The following ANKS1B variants were observed in gnomAD, a reference collection of about 807,000 sequenced individuals.
ANKS1B encodes the protein ankyrin repeat and sterile alpha motif domain-containing protein 1B.
Under a neutral mutation model 148.3 loss-of-function variants are expected in ANKS1B, and 36 were observed. That is an observed-to-expected ratio of 0.24 (90% CI 0.19 to 0.32). ANKS1B has a LOEUF of 0.32. ANKS1B is among the 10% of genes least tolerant of loss of function. ANKS1B has a pLI of 1.00. For missense variants in ANKS1B, 1,157 were observed against 1,542.6 expected (o/e 0.75, Z 4.19); for synonymous variants, 542 against 560.8 (o/e 0.97, Z 0.47).
At chr12:99,923,732 G>T (rs1566007471) in intron 1 of ANKS1B, among the ~76,000 whole-genome samples, 2 of 152,054 alleles carry the variant, frequency 1.3e-5, no homozygotes, top group Non-Finnish European at 2.9e-5. Context: ...CTTCTCCTTT[G>T]AACCTATTTT....
intron 17 of ANKS1B, among the ~76,000 whole-genome samples, chr12:98,849,231 C>CTT (rs1555405913): frequency 6.9e-6 from 1 of 144,888 alleles, no homozygotes; most frequent in African/African-American, 2.5e-5. Context: ...CCCAGCATTT[C>CTT]TTTTTTTTTT....
chr12:99,983,955 T>A, intron 1 of ANKS1B, 149 bp downstream of exon 1: 1 of 656,394 alleles, frequency 1.5e-6, no homozygotes, highest in South Asian at 2.5e-5. Context: ...GGCTCATACC[T>A]CCTCTCCATA....
chr12:99,698,397 G>A lies in ANKS1B; in HGVS notation c.1129-43187C>T, dbSNP rs375954937. ...CAGCAATTTAAGTGTGTGTGTGTCC[G>A]TGTGTGCATGTGTGTTGCACAAGCA... is the stretch of plus-strand genomic sequence containing the variant. On this transcript the variant is annotated intron_variant, in intron 8 of 26. Transcript: ENST00000683438. 1.4e-4 allele frequency among the ~76,000 whole-genome samples: 21 copies of A among 152,150 alleles called. 1 individual carries two copies. The South Asian group carries it at 1.9e-3, about 14-fold the overall frequency.
chr12:99,128,406 A>G (rs2065054391), intron 15 of ANKS1B, among the ~76,000 whole-genome samples: 1 of 152,146 alleles, frequency 6.6e-6, no homozygotes, highest in Non-Finnish European at 1.5e-5. Flanking sequence ...ACGGACCATG[A>G]ATGAGTTGCC....
At chr12:99,752,644 A>G (rs2061217420) in intron 8 of ANKS1B, among the ~76,000 whole-genome samples, 1 of 151,926 alleles carries the variant, frequency 6.6e-6, no homozygotes, top group Non-Finnish European at 1.5e-5. Flanking sequence ...TAGGATATTG[A>G]TACTATTTAT....
chr12:98,938,312 TAATC>T (rs1020206253), intron 17 of ANKS1B, among the ~76,000 whole-genome samples: 9 of 152,348 alleles, frequency 5.9e-5, no homozygotes, highest in Admixed American at 5.2e-4. Context: ...TTAAAAATCT[TAATC>T]AAGTGACGTG....
intron 8 of ANKS1B, among the ~76,000 whole-genome samples, chr12:99,731,432 G>C (rs868550308): frequency 0.19 from 28,097 of 149,954 alleles, 2,973 homozygotes; most frequent in Middle Eastern, 0.24. Context: ...GTGTGTGTGT[G>C]TGTGTGTGTG....
chr12:98,874,695 T>C (rs1253581130), intron 17 of ANKS1B, among the ~76,000 whole-genome samples: 4 of 152,198 alleles, frequency 2.6e-5, no homozygotes, highest in South Asian at 2.1e-4. Flanking sequence ...ATAGGGAAAA[T>C]GCAAGCTAAC....
In ANKS1B at chr12:99,955,361, C is replaced by T. The variant is rs375031709; in HGVS notation, c.134+28743G>A. On this transcript the variant is annotated intron_variant, in intron 1 of 26. Transcript: ENST00000683438. ...TACAAAAATTAGCCGGGCATGGTGG[C>T]GCGCGCCTGTAGTCCCAGCTACTCG... Among the ~76,000 whole-genome samples the T allele has an allele frequency of 4.0e-5, 6 of 151,744 alleles. No homozygotes were observed. The East Asian group carries it at 9.7e-4, about 24-fold the overall frequency.
At chr12:99,874,022 C>CATATATAT (rs150860727) in intron 1 of ANKS1B, among the ~76,000 whole-genome samples, 4 of 137,916 alleles carry the variant, frequency 2.9e-5, no homozygotes, top group African/African-American at 1.3e-4. Context: ...CTCTCTCTCA[C>CATATATAT]ATATATATAT....
chr12:99,678,981 AAC>A (rs541862637), intron 8 of ANKS1B, among the ~76,000 whole-genome samples: 2 of 152,214 alleles, frequency 1.3e-5, no homozygotes, highest in Non-Finnish European at 2.9e-5. Flanking sequence ...AATGTGTAAA[AAC>A]AGTGTCTAGA....
Position 99,977,274 on chromosome 12 carries a change from G to A in ANKS1B, c.134+6830C>T, listed in dbSNP as rs577106572. Reference sequence around the variant, plus strand: ...TTCTCCCCACCCAGCCTCTCAAGTAGTTGGGGCTACAGACGTGCAATGCCA... The same window carrying A: ...TTCTCCCCACCCAGCCTCTCAAGTAATTGGGGCTACAGACGTGCAATGCCA... On this transcript the variant is annotated intron_variant, in intron 1 of 26. Coordinates refer to ENST00000683438, the MANE Select transcript of ANKS1B (RefSeq NM_001352186.2). 3.3e-5 allele frequency among the ~76,000 whole-genome samples: 5 copies of A among 152,256 alleles called. No homozygotes were observed. The South Asian group carries it at 1.0e-3, about 32-fold the overall frequency.
At chr12:99,784,959 G>A (rs73145433) in intron 4 of ANKS1B, among the ~76,000 whole-genome samples, 1,566 of 152,184 alleles carry the variant, frequency 0.01, 14 homozygotes, top group Non-Finnish European at 0.016. Context: ...TAAGTTCAGC[G>A]GAAATGTAGG....
chr12:99,524,683 GGA>G (rs2153070598), intron 9 of ANKS1B, among the ~76,000 whole-genome samples: 1 of 152,238 alleles, frequency 6.6e-6, no homozygotes, highest in South Asian at 2.1e-4. Context: ...ATGTTGCTGG[GGA>G]GGCCTCACAA....
intron 6 of ANKS1B, among the ~76,000 whole-genome samples, chr12:99,777,496 C>T (rs1196831503): frequency 6.6e-6 from 1 of 152,142 alleles, no homozygotes; most frequent in African/African-American, 2.4e-5. Flanking sequence ...TATGTCACAC[C>T]CCATTTTCTA....
At chr12:98,847,028 T>C (rs1245493436) in intron 17 of ANKS1B, among the ~76,000 whole-genome samples, 1 of 152,190 alleles carries the variant, frequency 6.6e-6, no homozygotes, top group Non-Finnish European at 1.5e-5. Context: ...CATCAAACCA[T>C]CACCACCATC....
chr12:98,884,659 C>T (rs113113121), intron 17 of ANKS1B, among the ~76,000 whole-genome samples: 5 of 151,628 alleles, frequency 3.3e-5, no homozygotes, highest in East Asian at 1.9e-4. Context: ...ATTAGCCGGG[C>T]GCGGTGGCGG....
intron 1 of ANKS1B, among the ~76,000 whole-genome samples, chr12:99,864,472 A>G (rs942939110): frequency 6.6e-6 from 1 of 152,166 alleles, no homozygotes; most frequent in African/African-American, 2.4e-5. Context: ...AATGTACCTG[A>G]GCTTGCACAT....
intron 14 of ANKS1B, among the ~76,000 whole-genome samples, chr12:99,179,211 G>C (rs985224413): frequency 1.3e-5 from 2 of 151,862 alleles, no homozygotes; most frequent in Admixed American, 1.3e-4. Flanking sequence ...GGCGGATCAC[G>C]AGGTCAGGAG....
Sources: gnomAD v4.1 joint callset for allele counts (sites outside exome capture counted in the v4.1 genomes callset) on GRCh38, gnomAD v4.1.1 for gene constraint, MANE v1.5 for transcripts, NCBI Gene and HGNC (gene_info 2026-07-23, HGNC 2026-07-21) for gene names.